ULK4: variants seen among roughly 807,000 people sequenced by gnomAD.
ULK4 encodes the protein inactive serine/threonine-protein kinase ULK4.
A neutral mutation model predicts 160.6 loss-of-function variants in ULK4; 133 were observed. The observed-to-expected ratio is 0.83, with a 90% CI of 0.72 to 0.96. The LOEUF is 0.96. ULK4 is among the 40% of genes least tolerant of loss of function. ULK4 has a pLI of 0.00. For missense variants in ULK4, 1,580 were observed against 1,499.5 expected (o/e 1.05, Z -0.89); for synonymous variants, 534 against 539.8 (o/e 0.99, Z 0.15).
chr3:41,282,679 A>T (rs1327669703), intron 35 of ULK4, among the ~76,000 whole-genome samples: 1 of 152,138 alleles, frequency 6.6e-6, no homozygotes, highest in Non-Finnish European at 1.5e-5. Context: ...AAATGCAAGA[A>T]CTAAAACCAT....
intron 22 of ULK4, among the ~76,000 whole-genome samples, chr3:41,728,702 A>C (rs2037730292): frequency 6.6e-6 from 1 of 152,184 alleles, no homozygotes; most frequent in Non-Finnish European, 1.5e-5. Context: ...AACCCAAAAA[A>C]ACTGCCCTGG....
chr3:41,506,767 A>AAAAAAAAAAAAATATATATAT, intron 32 of ULK4, among the ~76,000 whole-genome samples: 1 of 56,764 alleles, frequency 1.8e-5, no homozygotes, highest in Non-Finnish European at 3.1e-5. Flanking sequence ...TGTGATTTAA[A>AAAAAAAAAAAAATATATATAT]ATATATATAT....
chr3:41,582,169 G>A (rs1338167520), intron 31 of ULK4, among the ~76,000 whole-genome samples: 1 of 152,118 alleles, frequency 6.6e-6, no homozygotes, highest in Non-Finnish European at 1.5e-5. Flanking sequence ...CATAAGATCT[G>A]AAGGTTTTGT....
At chr3:41,277,588 G>C (rs1272735533) in intron 35 of ULK4, among the ~76,000 whole-genome samples, 1 of 90,180 alleles carries the variant, frequency 1.1e-5, no homozygotes. Context: ...GGCATAAAAG[G>C]GACATACCTC....
intron 17 of ULK4, among the ~76,000 whole-genome samples, chr3:41,858,152 T>TG (rs2042410101): frequency 8.8e-6 from 1 of 113,686 alleles, no homozygotes; most frequent in African/African-American, 6.2e-5. Flanking sequence ...TGTTTGTTTT[T>TG]TTTTTTTTTT....
intron 27 of ULK4, among the ~76,000 whole-genome samples, chr3:41,694,189 T>C (rs773289697): frequency 1.1e-4 from 17 of 152,260 alleles, no homozygotes; most frequent in Non-Finnish European, 2.5e-4. Context: ...AAGAAAGAAC[T>C]GTGTAGGGGA....
chr3:41,879,349 AAG>A (rs1697425381), intron 17 of ULK4, among the ~76,000 whole-genome samples: 1 of 152,164 alleles, frequency 6.6e-6, no homozygotes, highest in Admixed American at 6.5e-5. Context: ...TCCAGCAAGA[AAG>A]AGAGAGGGAG....
intron 35 of ULK4, among the ~76,000 whole-genome samples, chr3:41,342,855 G>A (rs1038118224): frequency 2.0e-5 from 3 of 152,120 alleles, no homozygotes; most frequent in Admixed American, 6.5e-5. Flanking sequence ...CCCAGGAAGC[G>A]AGGTTGGTTC....
intron 9 of ULK4, among the ~76,000 whole-genome samples, chr3:41,912,135 C>T: frequency 6.6e-6 from 1 of 151,988 alleles, no homozygotes; most frequent in East Asian, 1.9e-4. Flanking sequence ...TGAAACCAGC[C>T]TGGGCAACAT....
At chr3:41,596,397 C>T (rs951345104) in intron 31 of ULK4, among the ~76,000 whole-genome samples, 24 of 152,240 alleles carry the variant, frequency 1.6e-4, no homozygotes, top group African/African-American at 5.3e-4. Context: ...TTAATAAAAG[C>T]TGTTGCTCTG....
intron 19 of ULK4, among the ~76,000 whole-genome samples, chr3:41,811,130 T>C (rs1199296192): frequency 6.6e-6 from 1 of 151,988 alleles, no homozygotes; most frequent in Non-Finnish European, 1.5e-5. Flanking sequence ...CAAGTGATCC[T>C]CCCACCTAGC....
rs970094860 is a variant in ULK4, at chr3:41,432,976, C to T, written c.3492+22521G>A. 3.3e-5 allele frequency among the ~76,000 whole-genome samples: 5 copies of T among 151,086 alleles called. No individual in the cohort carries two copies. In the East Asian group the frequency reaches 5.8e-4, roughly 18 times the overall value. On this transcript the variant is annotated intron_variant, in intron 34 of 36. Transcript: ENST00000301831. ...AGTGGAAAGACATTTTAAAACATAA[C>T]ATAAAACTCAAAACTCTTAAAGACA... is the stretch of plus-strand genomic sequence containing the variant.
chr3:41,953,306 T>TATATA (rs1447473585), intron 2 of ULK4, among the ~76,000 whole-genome samples: 2 of 91,808 alleles, frequency 2.2e-5, no homozygotes, highest in South Asian at 3.8e-4. Context: ...ATATATATAT[T>TATATA]TTTTTTTTTT....
intron 31 of ULK4, among the ~76,000 whole-genome samples, chr3:41,604,996 T>C (rs1224593325): frequency 2.0e-5 from 3 of 152,130 alleles, no homozygotes; most frequent in Non-Finnish European, 2.9e-5. Context: ...TGATGTGAGC[T>C]GTTAAAATTT....
intron 17 of ULK4, among the ~76,000 whole-genome samples, chr3:41,840,470 G>A (rs2041879343): frequency 6.6e-6 from 1 of 152,198 alleles, no homozygotes; most frequent in Non-Finnish European, 1.5e-5. Flanking sequence ...CCCTGCCCCA[G>A]GCTCCGATGG....
At chr3:41,480,603 AT>A (rs570419666) in intron 32 of ULK4, among the ~76,000 whole-genome samples, 17 of 151,938 alleles carry the variant, frequency 1.1e-4, no homozygotes, top group Non-Finnish European at 2.1e-4. Flanking sequence ...TCTTAATAAC[AT>A]TTTTTTCTCT....
At chr3:41,907,463 A>AC (rs1698613115) in intron 12 of ULK4, among the ~76,000 whole-genome samples, 1 of 151,068 alleles carries the variant, frequency 6.6e-6, no homozygotes, top group South Asian at 2.1e-4. Context: ...AACCCAGCTA[A>AC]TTTTTTTTTA....
chr3:41,296,830 A>G (rs974404417), intron 35 of ULK4, among the ~76,000 whole-genome samples: 1 of 152,054 alleles, frequency 6.6e-6, no homozygotes, highest in Non-Finnish European at 1.5e-5. Flanking sequence ...AGGCCACTGA[A>G]GGGAGGTTGA....
intron 32 of ULK4, among the ~76,000 whole-genome samples, chr3:41,478,069 C>G (rs1390436035): frequency 6.6e-6 from 1 of 152,212 alleles, no homozygotes; most frequent in African/African-American, 2.4e-5. Context: ...ACTCTGCAGT[C>G]CCTTTGGCCT....
Sources: gnomAD v4.1 joint callset for allele counts (sites outside exome capture counted in the v4.1 genomes callset) on GRCh38, gnomAD v4.1.1 for gene constraint, MANE v1.5 for transcripts, NCBI Gene and HGNC (gene_info 2026-07-23, HGNC 2026-07-21) for gene names.